NUBPL: variants seen among roughly 807,000 people sequenced by gnomAD.
The protein encoded by NUBPL is NUBP iron-sulfur cluster assembly factor, mitochondrial, also known as iron-sulfur cluster transfer protein NUBPL.
In NUBPL, 31 loss-of-function variants were observed where a neutral mutation model predicts 45.7. That is an observed-to-expected ratio of 0.68 (90% CI 0.51 to 0.92). The LOEUF (loss-of-function observed/expected upper bound fraction) is 0.92. NUBPL is among the 40% of genes least tolerant of loss of function. The pLI, the probability that NUBPL is intolerant of heterozygous loss-of-function variation, is 0.00. For synonymous variants in NUBPL, 144 were observed against 140.9 expected, an observed-to-expected ratio of 1.02 and a Z score of -0.15; for missense variants, 401 against 398.7, an observed-to-expected ratio of 1.01 and a Z score of -0.05.
chr14:31,594,653 TTA>T, intron 3 of NUBPL, among the ~76,000 whole-genome samples: 1 of 152,338 alleles, frequency 6.6e-6, no homozygotes, highest in East Asian at 1.9e-4. Flanking sequence ...AATTGTTCTC[TTA>T]TCACCTTGTT....
At chr14:31,613,731 C>T (rs1481241657) in intron 4 of NUBPL, among the ~76,000 whole-genome samples, 1 of 152,108 alleles carries the variant, frequency 6.6e-6, no homozygotes, top group African/African-American at 2.4e-5. Context: ...GCTGGGATTA[C>T]AGGTGTGAGC....
chr14:31,674,839 A>C (rs554935537), intron 6 of NUBPL, among the ~76,000 whole-genome samples: 24 of 152,162 alleles, frequency 1.6e-4, no homozygotes, highest in Non-Finnish European at 3.1e-4. Flanking sequence ...AAATTGTATA[A>C]AAGTTACAGT....
chr14:31,695,345 CT>C (rs34395195), intron 6 of NUBPL, among the ~76,000 whole-genome samples: 135 of 140,170 alleles, frequency 9.6e-4, no homozygotes, highest in East Asian at 2.0e-3. Flanking sequence ...TGTAGTGTTC[CT>C]TTTTTTTTTT....
chr14:31,793,528 C>T (rs547460954), intron 7 of NUBPL, among the ~76,000 whole-genome samples: 3 of 152,286 alleles, frequency 2.0e-5, no homozygotes, highest in South Asian at 4.1e-4. Flanking sequence ...CTGTTAACTT[C>T]CTGGAGGGCT....
intron 9 of NUBPL, 92 bp downstream of exon 9, chr14:31,846,683 A>G (rs1357164404): frequency 1.9e-6 from 3 of 1,559,462 alleles, no homozygotes; most frequent in Non-Finnish European, 2.6e-6. Flanking sequence ...GAGGCCGGGC[A>G]CGGAGTCTCA....
At chr14:31,811,611 T>G (rs2039807170) in intron 7 of NUBPL, among the ~76,000 whole-genome samples, 1 of 152,216 alleles carries the variant, frequency 6.6e-6, no homozygotes, top group Non-Finnish European at 1.5e-5. Flanking sequence ...TTCTGAAGCC[T>G]ACTTCTGTCA....
chr14:31,678,656 C>A (rs2036757810), intron 6 of NUBPL, among the ~76,000 whole-genome samples: 1 of 152,216 alleles, frequency 6.6e-6, no homozygotes, highest in Non-Finnish European at 1.5e-5. Context: ...AAGCTGGTAT[C>A]CAAGATGCAA....
intron 6 of NUBPL, among the ~76,000 whole-genome samples, chr14:31,769,933 G>T (rs1566552337): frequency 6.6e-6 from 1 of 152,106 alleles, no homozygotes; most frequent in Non-Finnish European, 1.5e-5. Flanking sequence ...ATTTAGGTAT[G>T]CCAGTCTCCC....
chr14:31,829,861 G>C (rs764859500), intron 8 of NUBPL, among the ~76,000 whole-genome samples: 70 of 152,286 alleles, frequency 4.6e-4, no homozygotes, highest in Non-Finnish European at 8.4e-4. Flanking sequence ...TGAAATGATA[G>C]CAACTATGCC....
At chr14:31,561,992 A>G in intron 1 of NUBPL, 76 bp from the exon 2 acceptor site, 2 of 1,450,048 alleles carry the variant, frequency 1.4e-6, no homozygotes, top group South Asian at 2.5e-5. Flanking sequence ...CAAACCCCAG[A>G]TTGTTTTTGC....
chr14:31,722,692 T>C (rs920197338), intron 6 of NUBPL, among the ~76,000 whole-genome samples: 3 of 152,246 alleles, frequency 2.0e-5, no homozygotes, highest in Admixed American at 6.5e-5. Context: ...CGATCAGTGA[T>C]GCTGAGCTTG....
At chr14:31,841,917 C>CTTTTGTTTTTGTTTTTTTTTTTTTTTTTT in intron 8 of NUBPL, among the ~76,000 whole-genome samples, 18 of 43,050 alleles carry the variant, frequency 4.2e-4, no homozygotes, top group Non-Finnish European at 6.8e-4. Context: ...CGATTCTGGG[C>CTTTTGTTTTTGTTTTTTTTTTTTTTTTTT]TTTTTTTTTT....
intron 6 of NUBPL, among the ~76,000 whole-genome samples, chr14:31,755,674 C>A (rs554922201): frequency 6.6e-6 from 1 of 152,118 alleles, no homozygotes; most frequent in East Asian, 1.9e-4. Flanking sequence ...TGGTAGTTTC[C>A]TTTGCTGTGC....
chr14:31,757,033 G>A (rs1441182182), intron 6 of NUBPL, among the ~76,000 whole-genome samples: 8 of 152,012 alleles, frequency 5.3e-5, no homozygotes, highest in Non-Finnish European at 1.2e-4. Flanking sequence ...AACCAGCCTT[G>A]CATCCCAGGG....
rs144768276 is a variant in NUBPL at position 31,579,554 on chromosome 14, G to T, written c.291+14506G>T. The stretch of plus-strand genomic sequence containing the variant: ...ATGGAAAGGAACTTGTCATAGAAAT[G>T]AAGACATGGGTAGTATTTTAGTATG... On this transcript the variant is annotated intron_variant, in intron 3 of 10. Transcript: ENST00000281081. 6.5e-3 allele frequency among the ~76,000 whole-genome samples: 997 copies of T among 152,306 alleles called. 10 individuals are homozygous for T. Among genetic ancestry groups the T allele is most frequent in the African/African-American group, 0.022 (912 of 41,564 alleles).
intron 6 of NUBPL, among the ~76,000 whole-genome samples, chr14:31,740,582 T>C (rs1276930696): frequency 6.6e-6 from 1 of 152,180 alleles, no homozygotes; most frequent in East Asian, 1.9e-4. Context: ...TTTGGAAATA[T>C]TTTCTCCCGG....
intron 4 of NUBPL, among the ~76,000 whole-genome samples, chr14:31,635,680 C>A (rs1181973682): frequency 1.3e-5 from 2 of 151,632 alleles, no homozygotes; most frequent in African/African-American, 2.4e-5. Flanking sequence ...TTCCCTTGGG[C>A]AGTATGGCGA....
intron 10 of NUBPL, among the ~76,000 whole-genome samples, chr14:31,850,823 A>G (rs903370389): frequency 6.6e-6 from 1 of 151,728 alleles, no homozygotes; most frequent in Non-Finnish European, 1.5e-5. Flanking sequence ...GGGTCTCACT[A>G]TGTTGTCCAG....
At chr14:31,812,276 G>C (rs746215713) in intron 7 of NUBPL, among the ~76,000 whole-genome samples, 6 of 152,198 alleles carry the variant, frequency 3.9e-5, no homozygotes, top group Non-Finnish European at 5.9e-5. Flanking sequence ...TTTGGGCCTC[G>C]TTGAGCTGTG....
Sources: allele counts gnomAD v4.1 joint callset (sites outside exome capture counted in the v4.1 genomes callset), GRCh38; gene constraint gnomAD v4.1.1; transcripts MANE v1.5; gene names NCBI Gene and HGNC (gene_info 2026-07-23, HGNC 2026-07-21).